OPCML: variants seen among roughly 807,000 people sequenced by gnomAD.
OPCML encodes the protein opioid binding protein/cell adhesion molecule like.
Under a neutral mutation model 37.8 loss-of-function variants are expected in OPCML, and 13 were observed. The ratio of observed to expected loss-of-function variants is 0.34; its 90% CI spans 0.22 to 0.55. OPCML has a LOEUF of 0.55. OPCML is among the 20% of genes least tolerant of loss of function. OPCML has a pLI of 0.91. For missense variants in OPCML, 341 were observed against 435.6 expected (o/e 0.78, Z 1.93); for synonymous variants, 176 against 168.8 (o/e 1.04, Z -0.33).
At chr11:132,437,552 G>T in intron 4 of OPCML, 193 bp from the exon 5 acceptor site, 1 of 835,816 alleles carries the variant, frequency 1.2e-6, no homozygotes, top group South Asian at 5.5e-5. Flanking sequence ...CTGTGCTTGA[G>T]TCTTGCATCA....
chr11:133,224,938 A>G (rs771799196), intron 1 of OPCML, among the ~76,000 whole-genome samples: 1 of 152,114 alleles, frequency 6.6e-6, no homozygotes, highest in Non-Finnish European at 1.5e-5. Context: ...CTCCATCCCA[A>G]GCTCAGAGGT....
rs558100355 is a variant in OPCML, at chr11:133,273,826, G to A, written c.61+258438C>T. On this transcript the variant is annotated intron_variant, in intron 1 of 7. Coordinates refer to ENST00000524381, the MANE Select transcript of OPCML (RefSeq NM_001012393.5). ...CAAGCCAATGTCCGTCATTATCAAT[G>A]GAATCTTTCAATCAGGAAAAATCTC... Among the ~76,000 whole-genome samples, 22 of 152,238 alleles carry A rather than the reference G, an allele frequency of 1.4e-4. 1 individual carries two copies. The South Asian group carries it at 2.7e-3, about 19-fold the overall frequency.
intron 2 of OPCML, among the ~76,000 whole-genome samples, chr11:132,876,822 CG>C (rs1943037543): frequency 6.6e-6 from 1 of 152,062 alleles, no homozygotes; most frequent in African/African-American, 2.4e-5. Flanking sequence ...AAGGAGTTGC[CG>C]TATACCACCA....
intron 4 of OPCML, among the ~76,000 whole-genome samples, chr11:132,528,836 C>T (rs1300531545): frequency 6.6e-6 from 1 of 152,156 alleles, no homozygotes; most frequent in Admixed American, 6.6e-5. Context: ...GTTTGGAAAA[C>T]AAAAGCCATC....
At chr11:132,792,189 T>C (rs1937960576) in intron 2 of OPCML, among the ~76,000 whole-genome samples, 1 of 152,168 alleles carries the variant, frequency 6.6e-6, no homozygotes, top group African/African-American at 2.4e-5. Flanking sequence ...ATCTTTACAA[T>C]ATTAAAATGC....
At chr11:132,840,794 T>C (rs1368789959) in intron 2 of OPCML, among the ~76,000 whole-genome samples, 1 of 151,950 alleles carries the variant, frequency 6.6e-6, no homozygotes, top group Non-Finnish European at 1.5e-5. Flanking sequence ...ATAGAACCAT[T>C]GGAGAGGCTG....
chr11:132,599,381 GGAAGAAGGAGGAA>G (rs1166655585), intron 3 of OPCML, among the ~76,000 whole-genome samples: 2 of 91,952 alleles, frequency 2.2e-5, no homozygotes, highest in East Asian at 6.6e-4. Context: ...GGAAGAAGGA[GGAAGAAGGAGGAA>G]GAAGGAGGAA....
intron 1 of OPCML, among the ~76,000 whole-genome samples, chr11:133,210,010 T>G (rs1939286258): frequency 6.6e-6 from 1 of 152,174 alleles, no homozygotes; most frequent in Non-Finnish European, 1.5e-5. Context: ...TGCCTTCCAA[T>G]TTAATTTAAG....
intron 3 of OPCML, among the ~76,000 whole-genome samples, chr11:132,610,988 C>A (rs1938604813): frequency 6.6e-6 from 1 of 152,184 alleles, no homozygotes; most frequent in Non-Finnish European, 1.5e-5. Flanking sequence ...CCACTATGCT[C>A]ATTCCTGGGA....
intron 1 of OPCML, among the ~76,000 whole-genome samples, chr11:133,341,866 C>A (rs1481319569): frequency 6.6e-6 from 1 of 151,802 alleles, no homozygotes; most frequent in South Asian, 2.1e-4. Context: ...TGCAGTGAGC[C>A]GAGATCGCGC....
At chr11:132,837,924 A>G (rs10791258) in intron 2 of OPCML, among the ~76,000 whole-genome samples, 121,586 of 152,196 alleles carry the variant, frequency 0.8, 49,315 homozygotes, top group Middle Eastern at 0.88. Flanking sequence ...TGAAGGCTGG[A>G]GGGCCTCACG....
chr11:133,344,358 C>A (rs1156268266), intron 1 of OPCML, among the ~76,000 whole-genome samples: 1 of 152,218 alleles, frequency 6.6e-6, no homozygotes, highest in African/African-American at 2.4e-5. Context: ...AGTCCTGGCA[C>A]GGCTTCCCTC....
At chr11:132,513,865 C>T (rs4435012) in intron 4 of OPCML, among the ~76,000 whole-genome samples, 30,442 of 152,106 alleles carry the variant, frequency 0.2, 3,131 homozygotes, top group Non-Finnish European at 0.22. Context: ...TATGTCTGAG[C>T]CTTTCACTAA....
At chr11:133,162,006 T>TTTTTTG (rs1950149029) in intron 1 of OPCML, among the ~76,000 whole-genome samples, 1 of 149,094 alleles carries the variant, frequency 6.7e-6, no homozygotes, top group African/African-American at 2.5e-5. Context: ...TTTTTTTTTT[T>TTTTTTG]TTTTGTATAA....
intron 1 of OPCML, among the ~76,000 whole-genome samples, chr11:133,077,531 C>T (rs1459978708): frequency 1.3e-5 from 2 of 151,934 alleles, no homozygotes; most frequent in African/African-American, 4.8e-5. Context: ...AACTAGAACT[C>T]GGTAAGAATT....
intron 2 of OPCML, among the ~76,000 whole-genome samples, chr11:132,788,980 A>G (rs1304581830): frequency 6.6e-6 from 1 of 152,180 alleles, no homozygotes. Flanking sequence ...CCTCTCTAGT[A>G]TCAGCTTCAG....
At position 133,005,439 on chromosome 11, in the gene OPCML, C is replaced by T. The variant is rs980721910; in HGVS notation, c.62-62429G>A. ...ACACCCATGTTCTCCTTTTCTACCCCTGCTACTCCACAGCTCTTAGGTACT... is the reference window on the plus strand; with the variant it reads ...ACACCCATGTTCTCCTTTTCTACCCTTGCTACTCCACAGCTCTTAGGTACT... On this transcript the variant is annotated intron_variant, in intron 1 of 7. Coordinates refer to ENST00000524381, the MANE Select transcript of OPCML (RefSeq NM_001012393.5). 3 of 985,264 alleles carry T rather than the reference C, an allele frequency of 3.0e-6. No homozygotes were observed. The East Asian group carries it at 3.4e-4, about 112-fold the overall frequency. The allele number at this position is 985,264 out of a possible 1,614,324, so 61.0% of individuals were successfully genotyped here.
chr11:132,481,197 A>G (rs1285349792), intron 4 of OPCML, among the ~76,000 whole-genome samples: 3 of 152,202 alleles, frequency 2.0e-5, no homozygotes, highest in Non-Finnish European at 4.4e-5. Context: ...GCAGAGACAC[A>G]CATAGGCTCA....
chr11:132,723,840 T>C (rs559132815), intron 2 of OPCML, among the ~76,000 whole-genome samples: 197 of 152,312 alleles, frequency 1.3e-3, no homozygotes, highest in African/African-American at 4.5e-3. Context: ...CTCTAGCCCT[T>C]TCCTTCTGCT....
Sources: gnomAD v4.1 joint callset for allele counts (sites outside exome capture counted in the v4.1 genomes callset) on GRCh38, gnomAD v4.1.1 for gene constraint, MANE v1.5 for transcripts, NCBI Gene and HGNC (gene_info 2026-07-23, HGNC 2026-07-21) for gene names.